UBAP2: variants seen among roughly 807,000 people sequenced by gnomAD.
The protein encoded by UBAP2 is ubiquitin associated protein 2.
UBAP2 carries 75 observed loss-of-function variants against 139.6 expected under a neutral mutation model. That is an observed-to-expected ratio of 0.54 (90% confidence interval 0.45 to 0.65). The LOEUF (loss-of-function observed/expected upper bound fraction) is 0.65. UBAP2 is among the 30% of genes least tolerant of loss of function. The pLI is 0.00. For missense variants in UBAP2, 1,368 were observed against 1,369.6 expected (o/e 1.00, Z 0.02); for synonymous variants, 526 against 526.2 (o/e 1.00, Z 0.01).
intron 8 of UBAP2, among the ~76,000 whole-genome samples, chr9:33,969,358 A>T (rs1014362583): frequency 2.6e-5 from 4 of 152,116 alleles, no homozygotes; most frequent in African/African-American, 9.7e-5. Context: ...ACCAGCTTCC[A>T]CAACAATGCA....
At chr9:33,982,052 C>T (rs1428747258) in intron 6 of UBAP2, among the ~76,000 whole-genome samples, 1 of 152,054 alleles carries the variant, frequency 6.6e-6, no homozygotes, top group African/African-American at 2.4e-5. Flanking sequence ...CTATGATCAT[C>T]ACATATCTGG....
At chr9:33,933,664 G>A in intron 17 of UBAP2, 36 bp from the exon 18 acceptor site, 2 of 1,607,226 alleles carry the variant, frequency 1.2e-6, no homozygotes, top group Non-Finnish European at 1.7e-6. Context: ...AAGCAGATCT[G>A]TTTATTTCTA....
At chr9:34,041,642 A>G (rs1023109785) in intron 1 of UBAP2, among the ~76,000 whole-genome samples, 4 of 152,304 alleles carry the variant, frequency 2.6e-5, no homozygotes, top group East Asian at 1.9e-4. Context: ...GGCTGCAGTG[A>G]GCTGAGAAGC....
rs753331597 is a variant in UBAP2 at position 33,922,695 on chromosome 9, C to T, written c.3256G>A (p.Asp1086Asn). The change falls in exon 28 of 29, where the codon GAT (aspartate) becomes AAT (asparagine). Residue 1086 changes from aspartate to asparagine, a missense_variant. Asp to Asn is a conservative substitution (Grantham distance 23). Transcript: ENST00000379238. ...SQLLHHHLPQDAQSGSGQRSQ... is the reference protein window; with the variant it reads ...SQLLHHHLPQNAQSGSGQRSQ... The stretch of plus-strand genomic sequence containing the variant: ...TCCATCACTGTACTCACCTGTGCAT[C>T]CTGCGGAAGGTGGTGGTGCAGCAGC... 1.3e-6 allele frequency: 2 copies of T among 1,552,258 alleles called. No homozygotes were observed. Among genetic ancestry groups the T allele is most frequent in the Admixed American group, 3.9e-5 (2 of 51,758 alleles).
chr9:34,021,624 T>C (rs1824946741), intron 1 of UBAP2, among the ~76,000 whole-genome samples: 1 of 135,370 alleles, frequency 7.4e-6, no homozygotes, highest in Admixed American at 9.1e-5. Flanking sequence ...TGAGAAAGAA[T>C]CCATTTGATT....
intron 2 of UBAP2, among the ~76,000 whole-genome samples, chr9:34,001,150 T>C (rs1399222183): frequency 6.6e-6 from 1 of 152,214 alleles, no homozygotes; most frequent in Non-Finnish European, 1.5e-5. Flanking sequence ...TTCCACATTA[T>C]ACATTTGGGT....
rs1042206265 is a variant in UBAP2, at chr9:33,996,297, T to C, written c.214A>G (p.Ile72Val). 1 of 1,613,768 alleles carries C rather than the reference T, an allele frequency of 6.2e-7. No homozygotes were observed. The highest frequency in any genetic ancestry group is 8.5e-7 in the Non-Finnish European group (1 of 1,179,952). The change falls in exon 4 of 29, where the codon ATA (isoleucine) becomes GTA (valine). Residue 72 changes from isoleucine (I) to valine (V), a missense_variant. Coordinates refer to ENST00000379238, the MANE Select transcript of UBAP2 (RefSeq NM_001370062.2). ...EVTGKNQDEC[I>V]VALHDCNGDV... ...CCATTACAATCATGTAGGGCCACTA[T>C]GCATTCATCCTGATTTTTCCCTGTC...
rs534023673 is a variant in UBAP2 at position 33,930,818 on chromosome 9, C to T, written c.2175+1744G>A. The stretch of plus-strand genomic sequence containing the variant: ...GACTGAGGCAGGAGGATCGCTTGAA[C>T]CCGGGAAGTGGAGGTTGCAGTGAGC... On this transcript the variant is annotated intron_variant, in intron 19 of 28. Coordinates refer to ENST00000379238, the MANE Select transcript of UBAP2 (RefSeq NM_001370062.2). Among the ~76,000 whole-genome samples, 10 of 149,482 alleles carry T rather than the reference C, an allele frequency of 6.7e-5. No individual in the cohort carries two copies. In the South Asian group the frequency reaches 1.7e-3, roughly 25 times the overall value.
intron 1 of UBAP2, among the ~76,000 whole-genome samples, chr9:34,027,639 T>C (rs1044530606): frequency 1.3e-5 from 2 of 151,586 alleles, no homozygotes; most frequent in African/African-American, 2.4e-5. Context: ...AGGCGAGTCA[T>C]GAGGTCAAGA....
chr9:34,044,000 C>A, intron 1 of UBAP2, among the ~76,000 whole-genome samples: 1 of 148,356 alleles, frequency 6.7e-6, no homozygotes, highest in South Asian at 2.1e-4. Context: ...CGGTGGCAGG[C>A]TAATCGCTTG....
chr9:33,973,079 T>C lies in UBAP2; in HGVS notation c.575+104A>G. ...AAATCTCTTTAAGTATAGAAAACACTAGATTCACCATGATGACTAAATTAG... is the reference window on the plus strand; with the variant it reads ...AAATCTCTTTAAGTATAGAAAACACCAGATTCACCATGATGACTAAATTAG... On this transcript the variant is annotated intron_variant, in intron 7 of 28. Coordinates refer to ENST00000379238, the MANE Select transcript of UBAP2 (RefSeq NM_001370062.2). The C allele has an allele frequency of 8.2e-6, 8 of 980,610 alleles. No homozygotes were observed. The South Asian group carries it at 1.1e-4, about 14-fold the overall frequency. 60.7% of individuals were successfully genotyped at this position (980,610 alleles called of 1,614,324 possible).
intron 5 of UBAP2, 79 bp from the exon 6 acceptor site, chr9:33,986,916 G>T: frequency 8.0e-7 from 1 of 1,242,340 alleles, no homozygotes. Context: ...CCTATTAAAG[G>T]CAAAGAAGGA....
chr9:33,998,287 A>G (rs758624471), intron 3 of UBAP2: 10 of 152,966 alleles, frequency 6.5e-5, no homozygotes, highest in Non-Finnish European at 1.2e-4. Flanking sequence ...CGTCATAGCT[A>G]CTCAGGAGAC....
At chr9:33,935,018 T>A (rs1250353966) in intron 17 of UBAP2, among the ~76,000 whole-genome samples, 3 of 152,142 alleles carry the variant, frequency 2.0e-5, no homozygotes, top group Non-Finnish European at 4.4e-5. Context: ...TTAAAGAGTC[T>A]TTCTGGCTTC....
intron 16 of UBAP2, among the ~76,000 whole-genome samples, chr9:33,937,262 G>C (rs540240152): frequency 1.3e-5 from 2 of 152,086 alleles, no homozygotes; most frequent in African/African-American, 2.4e-5. Context: ...ATTTAACTGC[G>C]TCTGGGGTGT....
intron 1 of UBAP2, among the ~76,000 whole-genome samples, chr9:34,044,123 C>T (rs1043715494): frequency 1.4e-5 from 2 of 147,856 alleles, no homozygotes; most frequent in South Asian, 2.1e-4. Flanking sequence ...ATTAGCCGGG[C>T]GCGGTGACTC....
At chr9:34,040,654 T>C (rs1374962776) in intron 1 of UBAP2, among the ~76,000 whole-genome samples, 2 of 152,132 alleles carry the variant, frequency 1.3e-5, no homozygotes, top group Non-Finnish European at 2.9e-5. Context: ...GAAAGATATA[T>C]CTAGAACATC....
At position 34,000,529 on chromosome 9, in the gene UBAP2, G is replaced by A. The variant is rs532684621; in HGVS notation, c.100-1665C>T. Among the ~76,000 whole-genome samples the A allele has an allele frequency of 1.2e-4, 18 of 152,130 alleles. 1 individual carries two copies. The South Asian group carries it at 2.3e-3, about 19-fold the overall frequency. On this transcript the variant is annotated intron_variant, in intron 2 of 28. Coordinates refer to ENST00000379238, the MANE Select transcript of UBAP2 (RefSeq NM_001370062.2). ...ACAATCTGTATCATCTCTGTACAAC[G>A]GTCTATTAAATCTAAAATTACTCCA...
chr9:34,044,022 C>T (rs1029791685), intron 1 of UBAP2, among the ~76,000 whole-genome samples: 4 of 143,262 alleles, frequency 2.8e-5, no homozygotes, highest in African/African-American at 5.2e-5. Flanking sequence ...ACCCAGTAGG[C>T]GGAGATTGCA....
Sources: allele counts gnomAD v4.1 joint callset (sites outside exome capture counted in the v4.1 genomes callset), GRCh38; gene constraint gnomAD v4.1.1; transcripts MANE v1.5; gene names NCBI Gene and HGNC (gene_info 2026-07-23, HGNC 2026-07-21).